Variants in ANK3 observed in about 807,000 individuals in gnomAD.
The protein encoded by ANK3 is ankyrin 3.
Under a neutral mutation model 370.9 loss-of-function variants are expected in ANK3, and 57 were observed. The ratio of observed to expected loss-of-function variants is 0.15; its 90% CI spans 0.12 to 0.19. ANK3 has a LOEUF of 0.19. ANK3 is among the 10% of genes least tolerant of loss of function. The pLI is 1.00. For synonymous variants in ANK3, 1,929 were observed against 1,946.3 expected (o/e 0.99, Z 0.23); for missense variants, 4,439 against 5,302.1 (o/e 0.84, Z 5.06).
At chr10:60,506,862 A>G (rs2075954125) in intron 2 of ANK3, among the ~76,000 whole-genome samples, 1 of 152,086 alleles carries the variant, frequency 6.6e-6, no homozygotes, top group Non-Finnish European at 1.5e-5. Flanking sequence ...TTAAAAGGAC[A>G]TTTTCCCATT....
intron 17 of ANK3, among the ~76,000 whole-genome samples, chr10:60,185,777 G>A (rs1265562441): frequency 6.6e-6 from 1 of 152,140 alleles, no homozygotes; most frequent in Non-Finnish European, 1.5e-5. Flanking sequence ...CAATCTTAAT[G>A]AGCAATTCAG....
At chr10:60,691,037 TG>T (rs993440988) in intron 1 of ANK3, among the ~76,000 whole-genome samples, 2 of 152,218 alleles carry the variant, frequency 1.3e-5, no homozygotes, top group African/African-American at 2.4e-5. Flanking sequence ...ATAACGTCAC[TG>T]AACAGGTCAA....
intron 2 of ANK3, among the ~76,000 whole-genome samples, chr10:60,603,029 G>A (rs544549690): frequency 2.6e-4 from 40 of 152,196 alleles, no homozygotes; most frequent in African/African-American, 9.4e-4. Flanking sequence ...GATGCAGAAT[G>A]TATCTGCTCC....
At chr10:60,726,337 A>T (rs2079940573) in intron 1 of ANK3, among the ~76,000 whole-genome samples, 1 of 152,186 alleles carries the variant, frequency 6.6e-6, no homozygotes, top group Non-Finnish European at 1.5e-5. Flanking sequence ...TGCCTAAAAC[A>T]TAGGTTCAAA....
rs200097021 is a variant in ANK3, at chr10:60,240,024, C to T, written c.799-5238G>A. 5.9e-3 allele frequency among the ~76,000 whole-genome samples: 311 copies of T among 53,094 alleles called. 2 individuals carry two copies. Among genetic ancestry groups the T allele is most frequent in the African/African-American group, 0.017 (295 of 17,082 alleles). 34.8% of individuals were successfully genotyped at this position (53,094 alleles called of 152,430 possible). On this transcript the variant is annotated intron_variant, in intron 7 of 43. Transcript: ENST00000280772. ...ATGTGTGAATATATACACATATATA[C>T]ACATATATATACACATATATATACA... is the stretch of plus-strand genomic sequence containing the variant.
At chr10:60,083,251 C>T (rs1319145794) in intron 33 of ANK3, among the ~76,000 whole-genome samples, 4 of 152,138 alleles carry the variant, frequency 2.6e-5, no homozygotes, top group African/African-American at 7.2e-5. Flanking sequence ...TTTGGTTTTA[C>T]AAATGTTTGC....
At chr10:60,279,685 T>C in intron 1 of ANK3, 46 bp from the exon 2 acceptor site, 1 of 1,432,422 alleles carries the variant, frequency 7.0e-7, no homozygotes, top group Non-Finnish European at 9.8e-7. Flanking sequence ...GAAGCTAATA[T>C]GCATGTTTAT....
chr10:60,652,722 A>G (rs889873014), intron 1 of ANK3, among the ~76,000 whole-genome samples: 3 of 150,768 alleles, frequency 2.0e-5, no homozygotes, highest in African/African-American at 7.3e-5. Context: ...TAAACTGGGC[A>G]AAGAAATGGG....
At position 60,297,975 on chromosome 10, in the gene ANK3, G is replaced by A. The variant is rs72822243; in HGVS notation, c.115-18336C>T. Among the ~76,000 whole-genome samples, 804 of 152,074 alleles carry A rather than the reference G, an allele frequency of 5.3e-3. 4 individuals are homozygous for A. The highest frequency in any genetic ancestry group is 9.6e-3 in the South Asian group (46 of 4,812). On this transcript the variant is annotated intron_variant, in intron 1 of 43. Transcript: ENST00000280772. ...AGGGATTCCTCCAACAGTTAAATAT[G>A]TATTTATTACTGGATCAATCATTGA...
intron 1 of ANK3, among the ~76,000 whole-genome samples, chr10:60,367,407 T>C (rs1240950601): frequency 2.0e-5 from 3 of 152,236 alleles, no homozygotes; most frequent in Non-Finnish European, 2.9e-5. Flanking sequence ...CTCTATGCTT[T>C]CTATGCCTAA....
chr10:60,342,837 C>T (rs1223986282), intron 1 of ANK3, among the ~76,000 whole-genome samples: 1 of 152,122 alleles, frequency 6.6e-6, no homozygotes, highest in South Asian at 2.1e-4. Context: ...AAAAGGGGTT[C>T]CATGACCCAG....
At chr10:60,419,287 C>T (rs2063731440) in intron 2 of ANK3, among the ~76,000 whole-genome samples, 1 of 152,100 alleles carries the variant, frequency 6.6e-6, no homozygotes, top group South Asian at 2.1e-4. Context: ...CATGGCACAT[C>T]ACTCATTCTT....
chr10:60,066,093 G>A (rs2081584550), intron 38 of ANK3, among the ~76,000 whole-genome samples: 1 of 152,224 alleles, frequency 6.6e-6, no homozygotes, highest in Non-Finnish European at 1.5e-5. Context: ...TTATCATTGA[G>A]CATACAGTAA....
chr10:60,638,981 A>T (rs2133348377), intron 1 of ANK3, among the ~76,000 whole-genome samples: 1 of 152,186 alleles, frequency 6.6e-6, no homozygotes, highest in Admixed American at 6.5e-5. Flanking sequence ...ATGGCTGAAA[A>T]TTTTCCAAAT....
chr10:60,669,004 A>C (rs1451352047), intron 1 of ANK3, among the ~76,000 whole-genome samples: 3 of 152,070 alleles, frequency 2.0e-5, no homozygotes, highest in Non-Finnish European at 2.9e-5. Context: ...AAAAAAAAAA[A>C]ATTATTCAAA....
At chr10:60,271,886 T>C (rs1457633866) in intron 4 of ANK3, among the ~76,000 whole-genome samples, 3 of 150,760 alleles carry the variant, frequency 2.0e-5, no homozygotes. Flanking sequence ...CACAGAATTG[T>C]AACAAGTTAG....
At chr10:60,484,823 T>C (rs1018681006) in intron 2 of ANK3, among the ~76,000 whole-genome samples, 1 of 152,186 alleles carries the variant, frequency 6.6e-6, no homozygotes, top group African/African-American at 2.4e-5. Context: ...ATGGTTTATA[T>C]TTAGAAACTA....
At chr10:60,682,029 C>T (rs2133392145) in intron 1 of ANK3, among the ~76,000 whole-genome samples, 1 of 152,194 alleles carries the variant, frequency 6.6e-6, no homozygotes, top group Non-Finnish European at 1.5e-5. Context: ...TACCTGTGGT[C>T]TTAGCTACTT....
chr10:60,032,178 TATAA>T (rs1397160304), intron 43 of ANK3, among the ~76,000 whole-genome samples: 1 of 147,786 alleles, frequency 6.8e-6, no homozygotes, highest in African/African-American at 2.5e-5. Context: ...CTTCAGCTAT[TATAA>T]ATACACAGCT....
Sources: gnomAD v4.1 joint callset for allele counts (sites outside exome capture counted in the v4.1 genomes callset) on GRCh38, gnomAD v4.1.1 for gene constraint, MANE v1.5 for transcripts, NCBI Gene and HGNC (gene_info 2026-07-23, HGNC 2026-07-21) for gene names.